FARP1: variants seen among roughly 807,000 people sequenced by gnomAD.
FARP1 encodes the protein FERM, ARH/RhoGEF and pleckstrin domain protein 1.
FARP1 carries 52 observed loss-of-function variants against 128.8 expected under a neutral mutation model. That is an observed-to-expected ratio of 0.40 (90% CI 0.32 to 0.51). FARP1 has a LOEUF of 0.51. FARP1 is among the 20% of genes least tolerant of loss of function. The pLI is 0.45. For synonymous variants in FARP1, 580 were observed against 551.8 expected, an observed-to-expected ratio of 1.05 and a Z score of -0.72; for missense variants, 1,333 against 1,367.9, an observed-to-expected ratio of 0.97 and a Z score of 0.40.
chr13:98,355,036 A>G (rs1888584591), intron 3 of FARP1, among the ~76,000 whole-genome samples: 1 of 152,228 alleles, frequency 6.6e-6, no homozygotes, highest in South Asian at 2.1e-4. Context: ...TAGATAAAAT[A>G]TGAAACCATT....
intron 2 of FARP1, among the ~76,000 whole-genome samples, chr13:98,242,042 GAC>G (rs1426076026): frequency 1.3e-5 from 2 of 152,000 alleles, no homozygotes; most frequent in Non-Finnish European, 2.9e-5. Flanking sequence ...GAGGTCCATG[GAC>G]AGGTCCTCTG....
At chr13:98,180,733 A>G (rs73561315) in intron 1 of FARP1, among the ~76,000 whole-genome samples, 3,660 of 152,182 alleles carry the variant, frequency 0.024, 51 homozygotes, top group Middle Eastern at 0.13. Flanking sequence ...GCCTTTGTAA[A>G]GTAATGTTTA....
chr13:98,322,994 G>GA (rs1887066869), intron 2 of FARP1, among the ~76,000 whole-genome samples: 2 of 152,090 alleles, frequency 1.3e-5, no homozygotes, highest in Non-Finnish European at 2.9e-5. Flanking sequence ...GCTCATGTTT[G>GA]AAAAAACAGT....
intron 1 of FARP1, among the ~76,000 whole-genome samples, chr13:98,208,768 T>A (rs1467904214): frequency 6.6e-6 from 1 of 152,062 alleles, no homozygotes; most frequent in Non-Finnish European, 1.5e-5. Flanking sequence ...GTGATTTGAG[T>A]CGCTGTGGAT....
intron 17 of FARP1, among the ~76,000 whole-genome samples, chr13:98,429,252 G>A (rs1244048629): frequency 6.6e-6 from 1 of 152,214 alleles, no homozygotes; most frequent in Non-Finnish European, 1.5e-5. Context: ...GAGGGATGGG[G>A]GGTCCTCAGC....
intron 24 of FARP1, among the ~76,000 whole-genome samples, chr13:98,442,770 C>G (rs58981871): frequency 3.7e-4 from 56 of 152,340 alleles, no homozygotes; most frequent in African/African-American, 1.3e-3. Context: ...CAGATCTCAC[C>G]TGTGGGCGTG....
chr13:98,258,787 T>C (rs1286929343), intron 2 of FARP1, among the ~76,000 whole-genome samples: 1 of 152,226 alleles, frequency 6.6e-6, no homozygotes, highest in Non-Finnish European at 1.5e-5. Context: ...CTTGATGAGA[T>C]GACAAATTCT....
In FARP1 at chr13:98,410,617, T is replaced by C. The variant is rs1292019124; in HGVS notation, c.1603-117T>C. On this transcript the variant is annotated intron_variant, in intron 14 of 26. Coordinates refer to ENST00000319562, the MANE Select transcript of FARP1 (RefSeq NM_005766.4). Reference sequence around the variant, plus strand: ...GGAGAATAAGAATTTTATTTCTTGTTGATGCCAGCTAACAAAAGATCACAA... The same window carrying C: ...GGAGAATAAGAATTTTATTTCTTGTCGATGCCAGCTAACAAAAGATCACAA... 3 of 555,494 alleles carry C rather than the reference T, an allele frequency of 5.4e-6. No homozygotes were observed. The African/African-American group carries it at 5.7e-5, about 11-fold the overall frequency. The allele number at this position is 555,494 out of a possible 1,614,324, so 34.4% of individuals were successfully genotyped here.
rs764309296 is a variant in FARP1, at chr13:98,448,296, C to CAA, written c.3119_3120dup (p.Glu1041LysfsTer33). ...CCTCGCGACCCCACGTGTTGAGTCACAAAGAGTCTCTTGTGTATTGATGGC... is the reference window on the plus strand; with the variant it reads ...CCTCGCGACCCCACGTGTTGAGTCACAAAAAGAGTCTCTTGTGTATTGATGGC... On this transcript the variant is annotated frameshift_variant, in exon 27 of 27. Coordinates refer to ENST00000319562, the MANE Select transcript of FARP1 (RefSeq NM_005766.4). LOFTEE classifies it high-confidence loss of function. 1 of 1,613,692 alleles carries CAA rather than the reference C, an allele frequency of 6.2e-7. No individual in the cohort carries two copies. The highest frequency in any genetic ancestry group is 1.7e-5 in the Admixed American group (1 of 60,016).
chr13:98,152,969 T>A (rs1876120002), intron 1 of FARP1, among the ~76,000 whole-genome samples: 1 of 152,098 alleles, frequency 6.6e-6, no homozygotes, highest in African/African-American at 2.4e-5. Context: ...TTGCTTCATT[T>A]CTTCAAGAAA....
At chr13:98,223,151 G>C (rs1186970238) in intron 2 of FARP1, among the ~76,000 whole-genome samples, 1 of 152,172 alleles carries the variant, frequency 6.6e-6, no homozygotes, top group Admixed American at 6.5e-5. Context: ...GAAGCAGGGA[G>C]CCCCCCAGGA....
intron 13 of FARP1, chr13:98,402,634 T>C (rs1464170003): frequency 1.3e-5 from 2 of 152,218 alleles, no homozygotes; most frequent in Non-Finnish European, 1.5e-5. Flanking sequence ...AGACTGAAGA[T>C]AGGTCTTCCT....
At chr13:98,321,706 T>A (rs1886999712) in intron 2 of FARP1, among the ~76,000 whole-genome samples, 1 of 152,236 alleles carries the variant, frequency 6.6e-6, no homozygotes, top group African/African-American at 2.4e-5. Flanking sequence ...CTTGGCCTCA[T>A]ATGACTTTTG....
intron 6 of FARP1, among the ~76,000 whole-genome samples, chr13:98,380,102 C>A (rs76936456): frequency 6.6e-6 from 1 of 152,098 alleles, no homozygotes; most frequent in Non-Finnish European, 1.5e-5. Context: ...GCCATTGAGT[C>A]GTGTACTTCT....
chr13:98,285,036 T>A (rs1387163035), intron 2 of FARP1, among the ~76,000 whole-genome samples: 1 of 152,210 alleles, frequency 6.6e-6, no homozygotes, highest in Non-Finnish European at 1.5e-5. Flanking sequence ...TTTTGAAACC[T>A]GCTTCCATGT....
chr13:98,242,748 A>G (rs1882848781), intron 2 of FARP1, among the ~76,000 whole-genome samples: 1 of 152,232 alleles, frequency 6.6e-6, no homozygotes, highest in Non-Finnish European at 1.5e-5. Flanking sequence ...AAAATTATTC[A>G]AGAATATTTT....
At chr13:98,163,393 C>T (rs1682125544) in intron 1 of FARP1, among the ~76,000 whole-genome samples, 1 of 152,112 alleles carries the variant, frequency 6.6e-6, no homozygotes, top group South Asian at 2.1e-4. Context: ...CTGTTAAACC[C>T]CTGTGACATG....
chr13:98,436,576 A>T lies in FARP1; in HGVS notation c.2274+870A>T, dbSNP rs1190689209. On this transcript the variant is annotated intron_variant, in intron 19 of 26. Transcript: ENST00000319562. ...TTTTCCAACAAGCAGCTGCCCTGGA[A>T]ACTTGACATCTGTAACTCAGGGCAG... Among the ~76,000 whole-genome samples the T allele has an allele frequency of 2.0e-5, 3 of 152,222 alleles. No individual in the cohort carries two copies. In the East Asian group the frequency reaches 5.8e-4, roughly 29 times the overall value.
chr13:98,335,611 C>A (rs1416686053), intron 2 of FARP1, among the ~76,000 whole-genome samples: 1 of 152,204 alleles, frequency 6.6e-6, no homozygotes, highest in African/African-American at 2.4e-5. Context: ...AGATGCTCAT[C>A]TTCTTGCTTT....
Sources: allele counts gnomAD v4.1 joint callset (sites outside exome capture counted in the v4.1 genomes callset), GRCh38; gene constraint gnomAD v4.1.1; transcripts MANE v1.5; gene names NCBI Gene and HGNC (gene_info 2026-07-23, HGNC 2026-07-21).